SCAPER: variants seen among roughly 807,000 people sequenced by gnomAD.
SCAPER encodes the protein S-phase cyclin A associated protein in the ER.
In SCAPER, 98 loss-of-function variants were observed where a neutral mutation model predicts 182.2. The ratio of observed to expected loss-of-function variants is 0.54; its 90% CI spans 0.46 to 0.64. SCAPER has a LOEUF of 0.64. Among genes scored for constraint, SCAPER ranks in the 30% least tolerant of loss-of-function variants. The probability of loss-of-function intolerance (pLI) is 0.00; values close to 1 mark genes in which losing one functional copy is unlikely to be tolerated. For synonymous variants in SCAPER, 605 were observed against 564.6 expected (o/e 1.07, Z -1.01); for missense variants, 1,432 against 1,690.0 (o/e 0.85, Z 2.68).
At chr15:76,366,919 G>A (rs952038822) in intron 29 of SCAPER, among the ~76,000 whole-genome samples, 4 of 152,196 alleles carry the variant, frequency 2.6e-5, no homozygotes, top group African/African-American at 9.7e-5. Context: ...TCAAAACAGT[G>A]TTTTGAGTGG....
intron 26 of SCAPER, among the ~76,000 whole-genome samples, chr15:76,419,335 G>GAAAAA (rs71444980): frequency 1.9e-4 from 18 of 92,566 alleles, no homozygotes; most frequent in African/African-American, 2.9e-4. Flanking sequence ...GTCTCAAAAA[G>GAAAAA]AAAAAAAAAA....
chr15:76,445,727 C>A (rs1272909728), intron 25 of SCAPER, among the ~76,000 whole-genome samples: 1 of 152,132 alleles, frequency 6.6e-6, no homozygotes, highest in Non-Finnish European at 1.5e-5. Flanking sequence ...CCTTCTGGCA[C>A]CATCCTGGTG....
At chr15:76,871,259 A>C (rs1321745050) in intron 2 of SCAPER, among the ~76,000 whole-genome samples, 2 of 151,888 alleles carry the variant, frequency 1.3e-5, no homozygotes, top group East Asian at 3.9e-4. Context: ...AATACAAAAA[A>C]TTAACTGGGC....
chr15:76,900,812 C>A (rs181455917), intron 1 of SCAPER, among the ~76,000 whole-genome samples: 2 of 152,264 alleles, frequency 1.3e-5, no homozygotes. Flanking sequence ...TATAGGGGCC[C>A]ATCTAACTGA....
intron 2 of SCAPER, among the ~76,000 whole-genome samples, chr15:76,878,989 G>A (rs2073364968): frequency 6.6e-6 from 1 of 152,074 alleles, no homozygotes; most frequent in South Asian, 2.1e-4. Context: ...TACTGGTGAG[G>A]ATCTGGGGCA....
intron 5 of SCAPER, among the ~76,000 whole-genome samples, chr15:76,808,183 T>C (rs751181170): frequency 1.3e-5 from 2 of 152,168 alleles, no homozygotes; most frequent in South Asian, 4.1e-4. Flanking sequence ...CAGAAAGGGT[T>C]TGTCTGCATA....
At chr15:76,550,032 A>G (rs1003253607) in intron 23 of SCAPER, among the ~76,000 whole-genome samples, 1 of 152,318 alleles carries the variant, frequency 6.6e-6, no homozygotes, top group Admixed American at 6.5e-5. Context: ...AGAGAATGAA[A>G]GAAAATAGAT....
chr15:76,433,051 T>C (rs1056954935), intron 26 of SCAPER, among the ~76,000 whole-genome samples: 3 of 152,228 alleles, frequency 2.0e-5, no homozygotes, highest in Non-Finnish European at 2.9e-5. Flanking sequence ...TAATGGGTAC[T>C]CTATAAATGG....
At chr15:76,795,526 T>C in intron 7 of SCAPER, 86 bp from the exon 8 acceptor site, 1 of 1,020,462 alleles carries the variant, frequency 9.8e-7, no homozygotes, top group East Asian at 2.8e-5. Context: ...AAATTTAAAT[T>C]ATGCATATGA....
At chr15:76,382,385 T>C (rs959153112) in intron 27 of SCAPER, among the ~76,000 whole-genome samples, 3 of 150,948 alleles carry the variant, frequency 2.0e-5, no homozygotes, top group African/African-American at 7.3e-5. Context: ...TTTTAATTTT[T>C]CCCTTCTTTT....
Position 76,404,549 on chromosome 15 carries a change from T to C in SCAPER, c.3442A>G (p.Thr1148Ala). ...CTTCCAGTGACAGCAAAGCACAGTGTACACATTGCATGTAAGAGTCCTGCG... is the reference window on the plus strand; with the variant it reads ...CTTCCAGTGACAGCAAAGCACAGTGCACACATTGCATGTAAGAGTCCTGCG... ...HAAGLLHAMC[T>A]LCFAVTGRSY... Residue 1148 changes from threonine to alanine, a missense_variant, in exon 27 of 32, where the codon ACA becomes GCA. By Grantham distance (58) the Thr-to-Ala change is moderately conservative. This residue lies in a region of SCAPER where 718 missense variants were observed against 799.7 expected (regional missense o/e 0.90). Transcript: ENST00000563290. 6.2e-7 allele frequency: 1 copy of C among 1,613,112 alleles called. No homozygotes were observed. The highest frequency in any genetic ancestry group is 1.3e-5 in the African/African-American group (1 of 74,996).
intron 27 of SCAPER, among the ~76,000 whole-genome samples, chr15:76,397,781 G>A (rs953661287): frequency 3.9e-5 from 6 of 152,092 alleles, no homozygotes; most frequent in African/African-American, 1.4e-4. Context: ...CCGGTCAGGA[G>A]ACTTTTATTA....
At chr15:76,792,190 G>GT (rs2065046434) in intron 8 of SCAPER, among the ~76,000 whole-genome samples, 2 of 151,858 alleles carry the variant, frequency 1.3e-5, no homozygotes. Context: ...AGATATAAAG[G>GT]TAATATTGAG....
intron 23 of SCAPER, among the ~76,000 whole-genome samples, chr15:76,537,969 T>C (rs1433847036): frequency 6.6e-6 from 1 of 151,780 alleles, no homozygotes. Context: ...GAAAAAATGC[T>C]CATCATCACT....
chr15:76,820,994 T>C (rs1952824144), intron 5 of SCAPER, among the ~76,000 whole-genome samples: 1 of 152,238 alleles, frequency 6.6e-6, no homozygotes, highest in South Asian at 2.1e-4. Context: ...GATGAGGATG[T>C]AGAGCAATGG....
chr15:76,818,973 G>A (rs181878758), intron 5 of SCAPER, among the ~76,000 whole-genome samples: 153 of 152,340 alleles, frequency 1.0e-3, no homozygotes, highest in Non-Finnish European at 1.8e-3. Context: ...CTACGCCCAC[G>A]GAGCCTCCCT....
intron 8 of SCAPER, among the ~76,000 whole-genome samples, chr15:76,775,688 C>T (rs926176869): frequency 2.0e-5 from 3 of 152,030 alleles, no homozygotes; most frequent in Admixed American, 6.6e-5. Flanking sequence ...CAACAGCATA[C>T]CTTGATTTAA....
At chr15:76,790,633 C>T (rs373752980) in intron 8 of SCAPER, among the ~76,000 whole-genome samples, 1 of 152,060 alleles carries the variant, frequency 6.6e-6, no homozygotes, top group South Asian at 2.1e-4. Context: ...CTAGCAATAT[C>T]CTCTATTTGA....
chr15:76,830,875 T>A (rs2068409104), intron 5 of SCAPER, among the ~76,000 whole-genome samples: 1 of 151,494 alleles, frequency 6.6e-6, no homozygotes, highest in Admixed American at 6.6e-5. Flanking sequence ...AGAAGACAGA[T>A]CCTGGGGCTG....
Sources: allele counts gnomAD v4.1 joint callset (sites outside exome capture counted in the v4.1 genomes callset), GRCh38; gene constraint gnomAD v4.1.1; regional missense constraint gnomAD v4.1.1; transcripts MANE v1.5; gene names NCBI Gene and HGNC (gene_info 2026-07-23, HGNC 2026-07-21).